The following CCDC192 variants were observed in gnomAD, a reference collection of about 807,000 sequenced individuals.
The protein encoded by CCDC192 is coiled-coil domain-containing protein 192.
At chr5:127,784,131 A>G (rs1649830488) in intron 3 of CCDC192, among the ~76,000 whole-genome samples, 1 of 152,176 alleles carries the variant, frequency 6.6e-6, no homozygotes. Flanking sequence ...TTTACATTCA[A>G]TGTTAGTATT....
At chr5:127,742,273 T>G (rs895629029) in intron 2 of CCDC192, among the ~76,000 whole-genome samples, 3 of 152,220 alleles carry the variant, frequency 2.0e-5, no homozygotes, top group Non-Finnish European at 4.4e-5. Flanking sequence ...TCTCTTTAAC[T>G]TCCATGCCAA....
At chr5:127,790,143 A>T (rs972679247) in intron 3 of CCDC192, among the ~76,000 whole-genome samples, 2 of 152,186 alleles carry the variant, frequency 1.3e-5, no homozygotes, top group African/African-American at 4.8e-5. Context: ...TATCAAACCA[A>T]AAAGGATTAT....
chr5:127,892,362 A>G (rs1752756586), intron 6 of CCDC192, among the ~76,000 whole-genome samples: 1 of 152,214 alleles, frequency 6.6e-6, no homozygotes, highest in African/African-American at 2.4e-5. Flanking sequence ...TTACATGACA[A>G]AGATTAACTC....
At chr5:127,922,550 G>A (rs1409174490) in intron 6 of CCDC192, among the ~76,000 whole-genome samples, 1 of 152,178 alleles carries the variant, frequency 6.6e-6, no homozygotes, top group Non-Finnish European at 1.5e-5. Context: ...ACCAGCCTAG[G>A]CAACATGGCA....
intron 5 of CCDC192, among the ~76,000 whole-genome samples, chr5:127,857,334 A>G (rs1751144980): frequency 6.6e-6 from 1 of 152,112 alleles, no homozygotes; most frequent in South Asian, 2.1e-4. Context: ...TATCCAAACC[A>G]GCACCAAACC....
intron 5 of CCDC192, among the ~76,000 whole-genome samples, chr5:127,799,877 T>G (rs1434289389): frequency 6.6e-6 from 1 of 152,148 alleles, no homozygotes; most frequent in Non-Finnish European, 1.5e-5. Flanking sequence ...AAGTTTTGCT[T>G]CAATGTGTCA....
chr5:127,725,058 CAT>C (rs1197919733), intron 2 of CCDC192, among the ~76,000 whole-genome samples: 1 of 152,070 alleles, frequency 6.6e-6, no homozygotes, highest in Non-Finnish European at 1.5e-5. Context: ...AAAAGTTAAA[CAT>C]AGCAAAACTC....
intron 3 of CCDC192, among the ~76,000 whole-genome samples, chr5:127,771,671 G>A (rs1427337858): frequency 6.6e-6 from 1 of 152,162 alleles, no homozygotes; most frequent in South Asian, 2.1e-4. Context: ...CCTTTGATAA[G>A]CAGAAGAATA....
intron 2 of CCDC192, among the ~76,000 whole-genome samples, chr5:127,746,403 T>C (rs1484965906): frequency 6.6e-6 from 1 of 152,234 alleles, no homozygotes; most frequent in Non-Finnish European, 1.5e-5. Flanking sequence ...TAGACAATCT[T>C]GCTGAGTCTA....
rs1246097995 is a variant in CCDC192, at chr5:127,793,303, G to C, written c.223-3800G>C. On this transcript the variant is annotated intron_variant, in intron 3 of 6. Coordinates refer to ENST00000514853, the MANE Select transcript of CCDC192 (RefSeq NM_001317938.2). The stretch of plus-strand genomic sequence containing the variant: ...TATATCTGAGTCAAAGAGATATTCA[G>C]TAAGAAACTTGTTACAAAAGGAGAG... Among the ~76,000 whole-genome samples the C allele has an allele frequency of 1.6e-4, 25 of 152,292 alleles. No homozygotes were observed. The South Asian group carries it at 4.8e-3, about 29-fold the overall frequency.
chr5:127,906,567 C>T (rs1753200411), intron 6 of CCDC192, among the ~76,000 whole-genome samples: 1 of 152,126 alleles, frequency 6.6e-6, no homozygotes, highest in Non-Finnish European at 1.5e-5. Flanking sequence ...GGGTGGATCA[C>T]TTGAGCCCAT....
intron 5 of CCDC192, among the ~76,000 whole-genome samples, chr5:127,840,422 A>C (rs1750229927): frequency 6.6e-6 from 1 of 152,216 alleles, no homozygotes; most frequent in Non-Finnish European, 1.5e-5. Flanking sequence ...ATAAAGCTTC[A>C]AAGAAAAAAA....
chr5:127,875,082 C>T (rs965717156), intron 5 of CCDC192, among the ~76,000 whole-genome samples: 3 of 152,122 alleles, frequency 2.0e-5, no homozygotes, highest in Non-Finnish European at 4.4e-5. Context: ...TCGTATCACA[C>T]TTTAGAGTGT....
At chr5:127,754,224 C>G in intron 2 of CCDC192, 44 bp from the exon 3 acceptor site, 1 of 396,854 alleles carries the variant, frequency 2.5e-6, no homozygotes, top group Non-Finnish European at 4.4e-6. Context: ...TGCACTCAAA[C>G]TATCCATGTC....
chr5:127,786,250 CA>C, intron 3 of CCDC192: 1 of 691,198 alleles, frequency 1.4e-6, no homozygotes, highest in Non-Finnish European at 2.7e-6. Context: ...CTGAAGCACA[CA>C]AGCCTCTGCC....
chr5:127,807,962 T>C (rs17696932), intron 5 of CCDC192, among the ~76,000 whole-genome samples: 4,337 of 152,202 alleles, frequency 0.028, 335 homozygotes, highest in East Asian at 0.27. Context: ...CATGACGTAC[T>C]GTGGGAGGAT....
intron 2 of CCDC192, among the ~76,000 whole-genome samples, chr5:127,737,997 C>T (rs1316284232): frequency 2.0e-5 from 3 of 150,590 alleles, no homozygotes; most frequent in African/African-American, 4.9e-5. Context: ...TTATTTTGCT[C>T]GTTAGTTGAT....
At chr5:127,931,884 G>C (rs1754037620) in intron 6 of CCDC192, among the ~76,000 whole-genome samples, 2 of 152,020 alleles carry the variant, frequency 1.3e-5, no homozygotes, top group South Asian at 4.2e-4. Context: ...GGGCACGGTG[G>C]CTCACACCTG....
At chr5:127,926,565 A>G (rs184747260) in intron 6 of CCDC192, among the ~76,000 whole-genome samples, 3 of 152,324 alleles carry the variant, frequency 2.0e-5, no homozygotes, top group African/African-American at 7.2e-5. Context: ...GGTATTTAGA[A>G]GTCTAAATCA....
Sources: allele counts gnomAD v4.1 joint callset (sites outside exome capture counted in the v4.1 genomes callset), GRCh38; gene constraint gnomAD v4.1.1; transcripts MANE v1.5; gene names NCBI Gene and HGNC (gene_info 2026-07-23, HGNC 2026-07-21).